Variants in ATR observed in about 807,000 individuals in gnomAD.
ATR encodes serine/threonine-protein kinase ATR.
Under a neutral mutation model 305.3 loss-of-function variants are expected in ATR, and 142 were observed. That is an observed-to-expected ratio of 0.47 (90% CI 0.41 to 0.53). The LOEUF is 0.53. Among genes scored for constraint, ATR ranks in the 20% least tolerant of loss-of-function variants. The pLI is 0.00. For missense variants in ATR, 2,135 were observed against 3,133.1 expected (o/e 0.68, Z 7.60); for synonymous variants, 1,050 against 1,068.1 (o/e 0.98, Z 0.33).
rs1553758609 is a variant in ATR at position 142,496,278 on chromosome 3, C to CATTATATATATATACA, written c.5898+82_5898+83insTGTATATATATATAAT. 88 of 115,174 alleles carry CATTATATATATATACA rather than the reference C, an allele frequency of 7.6e-4. 17 individuals are homozygous for CATTATATATATATACA. Among genetic ancestry groups the CATTATATATATATACA allele is most frequent in the African/African-American group, 1.8e-3 (34 of 19,080 alleles). The allele number at this position is 115,174 out of a possible 1,614,324, so 7.1% of individuals were successfully genotyped here. A position where few individuals can be genotyped will look rare whatever the true frequency, so the allele number is the denominator to read the frequency against. ...TTTTAAGGAAGTACATAATTCCCGA[C>CATTATATATATATACA]TATATATATATATATATATATATAT... On this transcript the variant is annotated intron_variant, in intron 34 of 46. Transcript: ENST00000350721.
At chr3:142,514,589 G>A (rs1301300434) in intron 25 of ATR, among the ~76,000 whole-genome samples, 7 of 150,150 alleles carry the variant, frequency 4.7e-5, no homozygotes, top group Non-Finnish European at 8.9e-5. Flanking sequence ...AGCTGAGATC[G>A]CGCCACTGCA....
At chr3:142,488,389 C>G (rs775142474) in intron 35 of ATR, among the ~76,000 whole-genome samples, 1 of 152,068 alleles carries the variant, frequency 6.6e-6, no homozygotes, top group Non-Finnish European at 1.5e-5. Flanking sequence ...CCCCAATTAC[C>G]TCTTTTGATT....
intron 38 of ATR, among the ~76,000 whole-genome samples, chr3:142,468,678 C>T (rs572558738): frequency 1.1e-4 from 16 of 152,066 alleles, no homozygotes; most frequent in South Asian, 4.2e-4. Context: ...GATGCAATAA[C>T]GGTTTTTTAG....
At position 142,515,002 on chromosome 3, in the gene ATR, A is replaced by T. The variant is rs2032797693; in HGVS notation, c.4503+393T>A. 3.3e-5 allele frequency among the ~76,000 whole-genome samples: 5 copies of T among 152,174 alleles called. 1 individual carries two copies. The South Asian group carries it at 1.0e-3, about 32-fold the overall frequency. On this transcript the variant is annotated intron_variant, in intron 25 of 46. Transcript: ENST00000350721. The stretch of plus-strand genomic sequence containing the variant: ...AAAAATCTTTATTTTTATTTTAGAG[A>T]AAGTTCAGATAATATAACTTCTTTT...
chr3:142,551,326 C>T (rs1006764958), intron 13 of ATR, among the ~76,000 whole-genome samples: 7 of 151,988 alleles, frequency 4.6e-5, no homozygotes, highest in African/African-American at 1.5e-4. Context: ...ACTCAAGAGG[C>T]TAAAGTGGGA....
In ATR at chr3:142,485,163, C is replaced by A. The variant is rs758666784; in HGVS notation, c.6198G>T (p.Arg2066=). Residue 2066 remains arginine (R), a synonymous_variant, in exon 36 of 47, where the codon CGG becomes CGT. Transcript: ENST00000350721. ...NKMEKQGDLI[R]YIVLHFGRSL... The stretch of plus-strand genomic sequence containing the variant: ...ACCTGCCAAAATGAAGAACTATATA[C>A]CGGATGAGATCACCTTGCTTTTCCA... The A allele has an allele frequency of 1.2e-6, 2 of 1,614,104 alleles. No homozygotes were observed. The highest frequency in any genetic ancestry group is 1.7e-6 in the Non-Finnish European group (2 of 1,180,010).
chr3:142,538,665 T>C, intron 18 of ATR, 40 bp from the exon 19 acceptor site: 1 of 1,609,772 alleles, frequency 6.2e-7, no homozygotes, highest in South Asian at 1.1e-5. Flanking sequence ...CCAATTACTT[T>C]TATTATTTGT....
chr3:142,552,927 G>T (rs1163950038), intron 13 of ATR, among the ~76,000 whole-genome samples: 1 of 151,462 alleles, frequency 6.6e-6, no homozygotes, highest in Non-Finnish European at 1.5e-5. Context: ...ATGGACACAT[G>T]GGGGGAACAA....
At position 142,536,187 on chromosome 3, in the gene ATR, T is replaced by C; in HGVS notation, c.3740A>G (p.Asp1247Gly). Residue 1247 changes from aspartate to glycine, a missense_variant, in exon 20 of 47, where the codon GAT (aspartate) becomes GGT (glycine). Physicochemically the swap from Asp to Gly is moderately conservative, Grantham distance 94. Around this residue, in one of 9 missense-constraint regions of ATR, gnomAD observed 530 missense variants for 766.8 expected, o/e 0.69. Transcript: ENST00000350721. ...TAAAAAATATATTTCATGAAGAAAA[T>C]CTTGCACAGCATCCCTAATAGTTAG... Reference protein sequence around the residue: ...LIIENRDAVQDFLHEIYFLPD... With the variant: ...LIIENRDAVQGFLHEIYFLPD... 1 of 1,582,756 alleles carries C rather than the reference T, an allele frequency of 6.3e-7. No homozygotes were observed. Among genetic ancestry groups the C allele is most frequent in the Non-Finnish European group, 8.7e-7 (1 of 1,151,980 alleles).
intron 10 of ATR, among the ~76,000 whole-genome samples, chr3:142,554,419 G>C (rs1271814881): frequency 6.6e-6 from 1 of 151,956 alleles, no homozygotes; most frequent in Non-Finnish European, 1.5e-5. Context: ...GTAGAGATGG[G>C]GCTTCACCAT....
chr3:142,470,458 A>G (rs377514795), intron 36 of ATR, among the ~76,000 whole-genome samples: 15 of 152,052 alleles, frequency 9.9e-5, no homozygotes, highest in Admixed American at 6.6e-5. Context: ...AAGTCTATCA[A>G]TACTTCTTTC....
intron 28 of ATR, among the ~76,000 whole-genome samples, chr3:142,507,065 C>T (rs961191925): frequency 3.3e-5 from 5 of 152,148 alleles, no homozygotes; most frequent in African/African-American, 1.2e-4. Flanking sequence ...ACGATTTTAA[C>T]CATGAACCAT....
chr3:142,568,051 T>C lies in ATR; in HGVS notation c.151+12A>G. 3.2e-6 allele frequency: 5 copies of C among 1,574,134 alleles called. No individual in the cohort carries two copies. The highest frequency in any genetic ancestry group is 1.2e-5 in the South Asian group (1 of 86,422). ...TTTATAAAGTTTATATAAGAAATAA[T>C]TGGTTTCTTACCAACATTTACATCT... On this transcript the variant is annotated intron_variant, in intron 2 of 46. Transcript: ENST00000350721.
intron 27 of ATR, among the ~76,000 whole-genome samples, chr3:142,509,849 CTCACG>C (rs2032456541): frequency 6.6e-6 from 1 of 152,150 alleles, no homozygotes; most frequent in South Asian, 2.1e-4. Flanking sequence ...GGCACAGTGG[CTCACG>C]TCTGTAATCC....
rs200753177 is a variant in ATR, at chr3:142,578,691, C to A, written c.14G>T (p.Gly5Val). ...GGGGATCATGGAAGCCAGCTCCAGG[C>A]CATGTTCCCCCATGCTGAGGCTGCG... MGEH[G>V]LELASMIPAL... The change falls in exon 1 of 47, where the codon GGC becomes GTC. Residue 5 changes from glycine to valine, a missense_variant. Gly to Val is a moderately radical substitution (Grantham distance 109). Around this residue, in one of 9 missense-constraint regions of ATR, gnomAD observed 744 missense variants for 873.2 expected, o/e 0.85. Coordinates refer to ENST00000350721, the MANE Select transcript of ATR (RefSeq NM_001184.4). 65 of 1,613,310 alleles carry A rather than the reference C, an allele frequency of 4.0e-5. No homozygotes were observed. The African/African-American group carries it at 6.4e-4, about 16-fold the overall frequency.
intron 16 of ATR, among the ~76,000 whole-genome samples, chr3:142,543,349 T>A (rs1372258448): frequency 6.7e-6 from 1 of 149,668 alleles, no homozygotes; most frequent in Non-Finnish European, 1.5e-5. Context: ...AGTTCCTTCC[T>A]TCCTTCCTTC....
At chr3:142,477,347 A>G (rs2029938536) in intron 36 of ATR, among the ~76,000 whole-genome samples, 1 of 152,172 alleles carries the variant, frequency 6.6e-6, no homozygotes, top group Non-Finnish European at 1.5e-5. Flanking sequence ...CTATTGACAT[A>G]ATCATGTGGT....
chr3:142,481,343 G>A (rs2030463353), intron 36 of ATR, among the ~76,000 whole-genome samples: 1 of 152,162 alleles, frequency 6.6e-6, no homozygotes, highest in Admixed American at 6.5e-5. Flanking sequence ...TATTAATGTG[G>A]TATATCAAAT....
At chr3:142,452,196 T>C (rs972124448) in intron 46 of ATR, 5 of 999,598 alleles carry the variant, frequency 5.0e-6, no homozygotes, top group Middle Eastern at 5.5e-4. Flanking sequence ...CCTCGAGCTA[T>C]ATCAGTAGGA....
Sources: allele counts gnomAD v4.1 joint callset (sites outside exome capture counted in the v4.1 genomes callset), GRCh38; gene constraint gnomAD v4.1.1; regional missense constraint gnomAD v4.1.1; transcripts MANE v1.5; gene names NCBI Gene and HGNC (gene_info 2026-07-23, HGNC 2026-07-21).